RBFOX1: variants seen among roughly 807,000 people sequenced by gnomAD.
RBFOX1 encodes RNA binding protein fox-1 homolog 1.
In RBFOX1, 8 loss-of-function variants were observed where a neutral mutation model predicts 57.7. That is an observed-to-expected ratio of 0.14 (90% CI 0.08 to 0.25). The LOEUF is 0.25. Ranked by LOEUF, RBFOX1 falls within the 10% of genes least tolerant of loss-of-function variation. The probability of loss-of-function intolerance (pLI) is 1.00; values close to 1 mark genes in which losing one functional copy is unlikely to be tolerated. For missense variants in RBFOX1, 611 were observed against 548.5 expected (o/e 1.11, Z -1.14); for synonymous variants, 326 against 222.4 (o/e 1.47, Z -4.15).
chr16:6,646,327 C>T (rs771472226), intron 2 of RBFOX1, among the ~76,000 whole-genome samples: 1 of 152,142 alleles, frequency 6.6e-6, no homozygotes, highest in Non-Finnish European at 1.5e-5. Context: ...CCGCATAGAT[C>T]TGCAGCAGAT....
intron 3 of RBFOX1, among the ~76,000 whole-genome samples, chr16:6,939,188 GA>G: frequency 6.6e-6 from 1 of 152,204 alleles, no homozygotes. Flanking sequence ...CCAATGAAGA[GA>G]AAAATAATTT....
intron 4 of RBFOX1, among the ~76,000 whole-genome samples, chr16:7,231,807 C>G (rs2093510241): frequency 6.6e-6 from 1 of 152,142 alleles, no homozygotes; most frequent in Non-Finnish European, 1.5e-5. Context: ...AATCAAAAGA[C>G]CACAGATTAT....
At chr16:7,071,476 T>A (rs1263168760) in intron 4 of RBFOX1, among the ~76,000 whole-genome samples, 1 of 152,064 alleles carries the variant, frequency 6.6e-6, no homozygotes, top group Non-Finnish European at 1.5e-5. Context: ...ACATATTATA[T>A]TTTATGTATC....
intron 4 of RBFOX1, among the ~76,000 whole-genome samples, chr16:7,095,675 T>C (rs1457771898): frequency 1.3e-5 from 2 of 152,092 alleles, no homozygotes; most frequent in Non-Finnish European, 2.9e-5. Context: ...GTTGGTAAGG[T>C]CTTGGTTGAT....
intron 1 of RBFOX1, among the ~76,000 whole-genome samples, chr16:6,209,710 C>T (rs938774419): frequency 6.6e-6 from 1 of 152,156 alleles, no homozygotes. Flanking sequence ...AAGGGAGGGG[C>T]AAGCCATTGT....
chr16:7,287,046 G>C (rs139346324), intron 4 of RBFOX1, among the ~76,000 whole-genome samples: 30 of 152,292 alleles, frequency 2.0e-4, no homozygotes, highest in Non-Finnish European at 3.7e-4. Context: ...AGGAGTGTGA[G>C]GATGTGTGGC....
chr16:5,602,983 G>T (rs1212464656), downstream of RBFOX1, among the ~76,000 whole-genome samples: 1 of 152,128 alleles, frequency 6.6e-6, no homozygotes, highest in Non-Finnish European at 1.5e-5. Flanking sequence ...AGTGAAAATG[G>T]GGTTTACAAG....
intron 4 of RBFOX1, among the ~76,000 whole-genome samples, chr16:7,086,510 G>C (rs960773705): frequency 6.6e-5 from 10 of 151,994 alleles, no homozygotes; most frequent in African/African-American, 1.9e-4. Flanking sequence ...TAATTTTCAA[G>C]ATAAAGCATA....
intron 1 of RBFOX1, among the ~76,000 whole-genome samples, chr16:5,385,357 C>G (rs2066230015): frequency 1.3e-5 from 2 of 152,278 alleles, no homozygotes; most frequent in African/African-American, 4.8e-5. Flanking sequence ...GTCCATTGTC[C>G]AGGCAGAGAG....
intron 3 of RBFOX1, among the ~76,000 whole-genome samples, chr16:5,723,605 A>G (rs930657796): frequency 1.4e-4 from 21 of 152,022 alleles, no homozygotes; most frequent in Admixed American, 1.0e-3. Flanking sequence ...TGGTTGTCTC[A>G]GGCTTGGGCT....
At chr16:7,258,213 A>T (rs1027120394) in intron 4 of RBFOX1, among the ~76,000 whole-genome samples, 1 of 152,250 alleles carries the variant, frequency 6.6e-6, no homozygotes, top group Admixed American at 6.5e-5. Flanking sequence ...AGAGGCATGT[A>T]TGCACACCAT....
At chr16:5,341,316 A>G (rs1162346347) in intron 1 of RBFOX1, among the ~76,000 whole-genome samples, 1 of 152,198 alleles carries the variant, frequency 6.6e-6, no homozygotes, top group Non-Finnish European at 1.5e-5. Flanking sequence ...ATTGAGTAAT[A>G]CTGGATCCTG....
chr16:7,120,555 A>T (rs776168257), intron 4 of RBFOX1, among the ~76,000 whole-genome samples: 1 of 151,906 alleles, frequency 6.6e-6, no homozygotes, highest in Non-Finnish European at 1.5e-5. Flanking sequence ...TAATTCCTTG[A>T]CAACCATTAC....
intron 4 of RBFOX1, among the ~76,000 whole-genome samples, chr16:7,139,056 G>C (rs1250386344): frequency 6.6e-6 from 1 of 151,950 alleles, no homozygotes; most frequent in Non-Finnish European, 1.5e-5. Context: ...TGCCTTCCTT[G>C]CCCTCCCAAA....
rs754612599 is a variant in RBFOX1 at position 7,579,819 on chromosome 16, C to A, written c.313C>A (p.Gln105Lys). The change falls in exon 6 of 16, where the codon CAA becomes AAA. Residue 105 changes from glutamine (Q) to lysine (K), a missense_variant. By Grantham distance (53) the Gln-to-Lys change is moderately conservative (BLOSUM62 1). This residue lies in a region of RBFOX1 where 245 missense variants were observed against 159.1 expected (regional missense o/e 1.54). Coordinates refer to ENST00000550418, the MANE Select transcript of RBFOX1 (RefSeq NM_018723.4). ...ACCGACGGATGGCCAGCCCCAGACA[C>A]AACCTTCTGAAAACACGGAAAACAA... The part of the protein sequence containing the change: ...AAPTDGQPQT[Q>K]PSENTENKSQ... The A allele has an allele frequency of 1.9e-6, 3 of 1,614,142 alleles. No individual in the cohort carries two copies. Among genetic ancestry groups the A allele is most frequent in the Non-Finnish European group, 2.5e-6 (3 of 1,180,004 alleles).
intron 3 of RBFOX1, among the ~76,000 whole-genome samples, chr16:5,725,881 G>C (rs1217540699): frequency 1.3e-5 from 2 of 151,930 alleles, no homozygotes; most frequent in Non-Finnish European, 2.9e-5. Context: ...GGGTTCAGCA[G>C]GTTTGCTGCA....
intron 2 of RBFOX1, among the ~76,000 whole-genome samples, chr16:6,589,503 T>C (rs1315496611): frequency 6.6e-6 from 1 of 152,224 alleles, no homozygotes. Flanking sequence ...TTGATCCATA[T>C]GGGTGATGCC....
At chr16:7,694,650 G>T (rs1301684747) in intron 14 of RBFOX1, among the ~76,000 whole-genome samples, 1 of 152,162 alleles carries the variant, frequency 6.6e-6, no homozygotes, top group Non-Finnish European at 1.5e-5. Flanking sequence ...GTGAGAGGTG[G>T]CGACATCCTT....
At chr16:7,010,240 C>G (rs1163924080) in intron 3 of RBFOX1, among the ~76,000 whole-genome samples, 1 of 152,206 alleles carries the variant, frequency 6.6e-6, no homozygotes, top group Admixed American at 6.5e-5. Context: ...CACAGACAAC[C>G]TAGAGCTAAA....
Sources: gnomAD v4.1 joint callset for allele counts (sites outside exome capture counted in the v4.1 genomes callset) on GRCh38, gnomAD v4.1.1 for gene constraint, gnomAD v4.1.1 regional missense constraint, MANE v1.5 for transcripts, NCBI Gene and HGNC (gene_info 2026-07-23, HGNC 2026-07-21) for gene names.